Variants in C10orf67 observed in about 807,000 individuals in gnomAD.
C10orf67 encodes chromosome 10 open reading frame 67.
Under a neutral mutation model 35.6 loss-of-function variants are expected in C10orf67, and 60 were observed. The observed-to-expected ratio is 1.68, with a 90% CI of 1.37 to 2.09. C10orf67 has a LOEUF of 2.09. Ranked by LOEUF, C10orf67 falls within the 30% of genes most tolerant of loss-of-function variation. The pLI, the probability that C10orf67 is intolerant of heterozygous loss-of-function variation, is 0.00. For missense variants in C10orf67, 474 were observed against 330.2 expected (o/e 1.44, Z -3.38); for synonymous variants, 167 against 115.8 (o/e 1.44, Z -2.84).
chr10:23,261,115 T>C (rs923412229), intron 10 of C10orf67, among the ~76,000 whole-genome samples: 1 of 152,180 alleles, frequency 6.6e-6, no homozygotes, highest in African/African-American at 2.4e-5. Context: ...GACTCTACAG[T>C]GCTTCATGGT....
intron 15 of C10orf67, among the ~76,000 whole-genome samples, chr10:23,209,635 CT>C (rs1255372154): frequency 2.0e-5 from 3 of 152,094 alleles, no homozygotes; most frequent in African/African-American, 4.8e-5. Context: ...GTTAGCTTGA[CT>C]GTGGTGATCA....
chr10:23,256,881 G>T (rs1020578849), intron 10 of C10orf67, among the ~76,000 whole-genome samples: 2 of 152,082 alleles, frequency 1.3e-5, no homozygotes, highest in African/African-American at 4.8e-5. Context: ...AAACTGTCTG[G>T]CCAACCAGGC....
chr10:23,222,946 G>T (rs1375103689), intron 15 of C10orf67, among the ~76,000 whole-genome samples: 1 of 152,084 alleles, frequency 6.6e-6, no homozygotes, highest in Admixed American at 6.6e-5. Context: ...ACCAGGCCCA[G>T]TCTACTTTTC....
At chr10:23,254,909 T>A (rs1174262365) in intron 10 of C10orf67, among the ~76,000 whole-genome samples, 1 of 152,210 alleles carries the variant, frequency 6.6e-6, no homozygotes, top group Non-Finnish European at 1.5e-5. Context: ...GCCTTTTACC[T>A]CTATACCCTT....
rs1844155365 is a variant in C10orf67, at chr10:23,303,291, C to A, written c.702+13G>T. 7.6e-6 allele frequency: 4 copies of A among 525,844 alleles called. No individual in the cohort carries two copies. The highest frequency in any genetic ancestry group is 3.2e-5 in the South Asian group (1 of 30,872). 32.6% of individuals were successfully genotyped at this position (525,844 alleles called of 1,614,324 possible). On this transcript the variant is annotated intron_variant, in intron 5 of 15. Transcript: ENST00000636213. ...GTATATTAAAATTAATTATTCCTTG[C>A]CTTGAAACTTACCATTTTGTGAAAT...
chr10:23,210,014 A>T (rs969240542), intron 15 of C10orf67, among the ~76,000 whole-genome samples: 227 of 151,884 alleles, frequency 1.5e-3, no homozygotes, highest in African/African-American at 5.1e-3. Context: ...AAAAAAAAAA[A>T]AAAAAAAAGG....
At chr10:23,208,748 C>G (rs1841225281) in intron 15 of C10orf67, among the ~76,000 whole-genome samples, 1 of 152,222 alleles carries the variant, frequency 6.6e-6, no homozygotes, top group African/African-American at 2.4e-5. Context: ...TTCCCTCACA[C>G]ATTGACTCTG....
chr10:23,264,643 T>C (rs552311200), intron 10 of C10orf67, among the ~76,000 whole-genome samples: 4 of 152,340 alleles, frequency 2.6e-5, no homozygotes, highest in African/African-American at 9.6e-5. Flanking sequence ...AGCTTCTATC[T>C]GTAAACTGGG....
chr10:23,227,525 C>T lies in C10orf67; in HGVS notation c.1435-3707G>A, dbSNP rs150308945. 1.9e-3 allele frequency among the ~76,000 whole-genome samples: 288 copies of T among 152,264 alleles called. 5 individuals carry two copies. The highest frequency in any genetic ancestry group is 0.017 in the East Asian group (87 of 5,186). On this transcript the variant is annotated intron_variant, in intron 13 of 15. Transcript: ENST00000636213. ...TGGAAGCAGTCCCTTTGAAAACTGGCACAAGACAGGAATGCCTTCTCTCAC... is the reference window on the plus strand; with the variant it reads ...TGGAAGCAGTCCCTTTGAAAACTGGTACAAGACAGGAATGCCTTCTCTCAC...
intron 4 of C10orf67, among the ~76,000 whole-genome samples, chr10:23,315,857 C>T (rs748210614): frequency 3.3e-5 from 5 of 152,068 alleles, no homozygotes; most frequent in Non-Finnish European, 7.4e-5. Flanking sequence ...CATGCTCCGT[C>T]ACTCAGGCTG....
chr10:23,241,241 T>C (rs1301344153), intron 12 of C10orf67, among the ~76,000 whole-genome samples: 2 of 152,238 alleles, frequency 1.3e-5, no homozygotes, highest in African/African-American at 4.8e-5. Context: ...TTTCGCACTA[T>C]TGTATTTGGG....
At chr10:23,283,938 T>C (rs1843448282) in intron 7 of C10orf67, among the ~76,000 whole-genome samples, 2 of 152,094 alleles carry the variant, frequency 1.3e-5, no homozygotes, top group South Asian at 4.1e-4. Context: ...GAACAGAGTC[T>C]ACTGTGGCAG....
At position 23,259,542 on chromosome 10, in the gene C10orf67, G is replaced by T. The variant is rs181542961; in HGVS notation, c.1200+6720C>A. ...AAAAGTCCAGGAAAAAAAATCTATC[G>T]TTGGGAGACAAAGCAATAAACAGAA... On this transcript the variant is annotated intron_variant, in intron 10 of 15. Transcript: ENST00000636213. Among the ~76,000 whole-genome samples, 12 of 152,156 alleles carry T rather than the reference G, an allele frequency of 7.9e-5. No homozygotes were observed. The East Asian group carries it at 2.3e-3, about 29-fold the overall frequency.
chr10:23,331,142 C>T (rs891216111), intron 2 of C10orf67, among the ~76,000 whole-genome samples: 1 of 56,126 alleles, frequency 1.8e-5, no homozygotes, highest in Non-Finnish European at 4.4e-5. Flanking sequence ...GGAACCGAGA[C>T]GGGAACCAGG....
In C10orf67 at chr10:23,322,681, C is replaced by T. The variant is rs145400430; in HGVS notation, c.328-144G>A. ...AGCAACACACACTGGGGCCTACTTACGGTGGTGAGCGGGAGGAGGGAGAGG... is the reference window on the plus strand; with the variant it reads ...AGCAACACACACTGGGGCCTACTTATGGTGGTGAGCGGGAGGAGGGAGAGG... On this transcript the variant is annotated intron_variant, in intron 2 of 15. Transcript: ENST00000636213. The T allele has an allele frequency of 9.6e-4, 552 of 576,858 alleles. 2 individuals carry two copies. The highest frequency in any genetic ancestry group is 7.6e-3 in the East Asian group (266 of 35,118). 35.7% of individuals were successfully genotyped at this position (576,858 alleles called of 1,614,324 possible). A position where few individuals can be genotyped will look rare whatever the true frequency, so the allele number is the denominator to read the frequency against.
In C10orf67 at chr10:23,316,102, C is replaced by T. The variant is rs543028466; in HGVS notation, c.546+4639G>A. Among the ~76,000 whole-genome samples, 9 of 152,304 alleles carry T rather than the reference C, an allele frequency of 5.9e-5. 1 individual carries two copies. Among genetic ancestry groups the T allele is most frequent in the East Asian group, 1.9e-4 (1 of 5,192 alleles). ...CCCGCTTGGCCGGGCAGGCTGTGCT[C>T]GGCTCATACTACCAGCCTGGATCCC... On this transcript the variant is annotated intron_variant, in intron 4 of 15. Coordinates refer to ENST00000636213, the MANE Select transcript of C10orf67 (RefSeq NM_001371909.1).
intron 1 of C10orf67, among the ~76,000 whole-genome samples, chr10:23,342,330 T>G (rs558271041): frequency 6.6e-6 from 1 of 152,312 alleles, no homozygotes; most frequent in South Asian, 2.1e-4. Context: ...TTACATAGTT[T>G]ACTTGTTTAT....
chr10:23,257,624 A>G (rs985543843), intron 10 of C10orf67, among the ~76,000 whole-genome samples: 1 of 152,148 alleles, frequency 6.6e-6, no homozygotes, highest in African/African-American at 2.4e-5. Context: ...GCAATATGGC[A>G]AAATTCTATC....
At chr10:23,285,883 G>C (rs1326199689) in intron 7 of C10orf67, among the ~76,000 whole-genome samples, 1 of 152,164 alleles carries the variant, frequency 6.6e-6, no homozygotes, top group Non-Finnish European at 1.5e-5. Flanking sequence ...TGTGGCCAAG[G>C]GCCACCATGG....
Sources: gnomAD v4.1 joint callset for allele counts (sites outside exome capture counted in the v4.1 genomes callset) on GRCh38, gnomAD v4.1.1 for gene constraint, MANE v1.5 for transcripts, NCBI Gene and HGNC (gene_info 2026-07-23, HGNC 2026-07-21) for gene names.